Variants in ZBTB20 observed in about 807,000 individuals in gnomAD.
The protein encoded by ZBTB20 is zinc finger and BTB domain-containing protein 20.
A neutral mutation model predicts 56.9 loss-of-function variants in ZBTB20; 9 were observed. The observed-to-expected ratio is 0.16, with a 90% confidence interval of 0.10 to 0.28. ZBTB20 has a LOEUF of 0.28. ZBTB20 is among the 10% of genes least tolerant of loss of function. The pLI, the probability that ZBTB20 is intolerant of heterozygous loss-of-function variation, is 1.00. For synonymous variants in ZBTB20, 417 were observed against 420.7 expected, an observed-to-expected ratio of 0.99 and a Z score of 0.11; for missense variants, 655 against 1,003.0, an observed-to-expected ratio of 0.65 and a Z score of 4.69.
chr3:115,002,779 C>T (rs1560481176), intron 2 of ZBTB20, among the ~76,000 whole-genome samples: 1 of 151,610 alleles, frequency 6.6e-6, no homozygotes, highest in Non-Finnish European at 1.5e-5. Flanking sequence ...AAAAATTAAA[C>T]ATACACTTAC....
chr3:114,479,548 A>T (rs905260762), intron 7 of ZBTB20, among the ~76,000 whole-genome samples: 1 of 152,248 alleles, frequency 6.6e-6, no homozygotes, highest in Non-Finnish European at 1.5e-5. Context: ...ATGATTGAAC[A>T]AGCTGTATTT....
chr3:115,107,186 G>A (rs564961426), intron 1 of ZBTB20, among the ~76,000 whole-genome samples: 1 of 152,272 alleles, frequency 6.6e-6, no homozygotes, highest in South Asian at 2.1e-4. Context: ...CAGCACTTTG[G>A]GAGGCCAAGG....
chr3:115,095,891 C>T (rs1168015417), intron 1 of ZBTB20, among the ~76,000 whole-genome samples: 1 of 152,122 alleles, frequency 6.6e-6, no homozygotes, highest in Non-Finnish European at 1.5e-5. Flanking sequence ...TAAAATTGAT[C>T]TTGCTAGTTT....
intron 6 of ZBTB20, among the ~76,000 whole-genome samples, chr3:114,583,717 G>C (rs1297033781): frequency 6.6e-6 from 1 of 152,190 alleles, no homozygotes; most frequent in Non-Finnish European, 1.5e-5. Flanking sequence ...AGAAAGAAAT[G>C]TCTTCAAACT....
rs185557146 is a variant in ZBTB20, at chr3:114,494,238, C to T, written c.-255+6114G>A. Among the ~76,000 whole-genome samples, 134 of 152,180 alleles carry T rather than the reference C, an allele frequency of 8.8e-4. 1 individual carries two copies. The highest frequency in any genetic ancestry group is 3.0e-3 in the African/African-American group (126 of 41,506). ...TTTTTTTTCCTAACTAGGCTTTTGTCCATTATCTTCATTTCTTGCCTGTTC... is the reference window on the plus strand; with the variant it reads ...TTTTTTTTCCTAACTAGGCTTTTGTTCATTATCTTCATTTCTTGCCTGTTC... On this transcript the variant is annotated intron_variant, in intron 7 of 11. Transcript: ENST00000675478.
chr3:114,807,609 T>A (rs556000577), intron 4 of ZBTB20, among the ~76,000 whole-genome samples: 76 of 152,158 alleles, frequency 5.0e-4, no homozygotes, highest in Admixed American at 8.5e-4. Context: ...CGGTCAGGTT[T>A]TCATCATTAC....
At chr3:114,848,494 A>G (rs979116492) in intron 4 of ZBTB20, among the ~76,000 whole-genome samples, 1 of 152,166 alleles carries the variant, frequency 6.6e-6, no homozygotes. Flanking sequence ...GGAAATTCTT[A>G]CAATAGCTCT....
chr3:114,688,958 A>G lies in ZBTB20; in HGVS notation c.-295+4570T>C, dbSNP rs145041255. ...TGTCCCATGGACCAATCCACATAAG[A>G]TAAGACCATCTACAGAGCATATTCT... On this transcript the variant is annotated intron_variant, in intron 6 of 11. Transcript: ENST00000675478. Among the ~76,000 whole-genome samples the G allele has an allele frequency of 7.0e-4, 106 of 152,296 alleles. 1 individual carries two copies. The highest frequency in any genetic ancestry group is 1.2e-3 in the Admixed American group (19 of 15,292).
chr3:114,959,200 A>T (rs2077355517), intron 3 of ZBTB20, among the ~76,000 whole-genome samples: 1 of 152,166 alleles, frequency 6.6e-6, no homozygotes, highest in South Asian at 2.1e-4. Flanking sequence ...AGAATACCAC[A>T]CAGGTTGTAT....
chr3:115,097,150 T>C (rs769179053), intron 1 of ZBTB20, among the ~76,000 whole-genome samples: 1 of 152,170 alleles, frequency 6.6e-6, no homozygotes, highest in African/African-American at 2.4e-5. Context: ...ATTTGAATTA[T>C]ATGGTCTGGC....
rs2089965326 is a variant in ZBTB20 at position 114,429,548 on chromosome 3, T to C, written c.-254-40443A>G. Among the ~76,000 whole-genome samples the C allele has an allele frequency of 2.0e-5, 3 of 152,278 alleles. No individual in the cohort carries two copies. In the South Asian group the frequency reaches 6.2e-4, roughly 32 times the overall value. ...TGCTGCTCTCCTTCTGCCCAGTCTC[T>C]GAGAGGGTATTGAGGTTGAGGATGG... On this transcript the variant is annotated intron_variant, in intron 7 of 11. Transcript: ENST00000675478.
chr3:114,894,511 G>A (rs1303813987), intron 4 of ZBTB20, among the ~76,000 whole-genome samples: 1 of 152,128 alleles, frequency 6.6e-6, no homozygotes, highest in African/African-American at 2.4e-5. Context: ...TTCCAAATGT[G>A]ATCTTACTTG....
chr3:114,568,420 C>A (rs891958980), intron 6 of ZBTB20, among the ~76,000 whole-genome samples: 1 of 152,170 alleles, frequency 6.6e-6, no homozygotes, highest in Non-Finnish European at 1.5e-5. Context: ...TAAAAACTAT[C>A]GCATAGCATT....
chr3:114,948,734 T>TA lies in ZBTB20; in HGVS notation c.-456+25631dup, dbSNP rs1263334074. Among the ~76,000 whole-genome samples, 71 of 146,008 alleles carry TA rather than the reference T, an allele frequency of 4.9e-4. 11 individuals are homozygous for TA. The highest frequency in any genetic ancestry group is 1.8e-3 in the African/African-American group (64 of 35,822). On this transcript the variant is annotated intron_variant, in intron 3 of 11. Coordinates refer to ENST00000675478, the MANE Select transcript of ZBTB20 (RefSeq NM_001348800.3). The stretch of plus-strand genomic sequence containing the variant: ...AAAATGATACCAATTACAAGAGCAT[T>TA]AAAAAATCTAATTGTAGAAATGAAT...
chr3:114,724,763 T>C (rs1364357352), intron 5 of ZBTB20, among the ~76,000 whole-genome samples: 1 of 152,250 alleles, frequency 6.6e-6, no homozygotes, highest in Admixed American at 6.5e-5. Flanking sequence ...ACTGAGACTC[T>C]ATGCTTAACA....
chr3:114,997,757 C>G (rs151225931), intron 2 of ZBTB20, among the ~76,000 whole-genome samples: 1 of 151,594 alleles, frequency 6.6e-6, no homozygotes, highest in African/African-American at 2.4e-5. Context: ...TTTCTTTTTA[C>G]AAAACTTCAT....
At chr3:115,000,096 A>G (rs1315286427) in intron 2 of ZBTB20, among the ~76,000 whole-genome samples, 2 of 151,608 alleles carry the variant, frequency 1.3e-5, no homozygotes, top group Non-Finnish European at 3.0e-5. Flanking sequence ...TATTTACCAT[A>G]TGAGATCCAT....
chr3:114,853,960 T>C (rs1421335664), intron 4 of ZBTB20, among the ~76,000 whole-genome samples: 1 of 152,228 alleles, frequency 6.6e-6, no homozygotes, highest in Non-Finnish European at 1.5e-5. Flanking sequence ...GTTACCTGTT[T>C]AAGCAGTTTT....
chr3:114,750,652 G>C (rs988233881), intron 5 of ZBTB20, among the ~76,000 whole-genome samples: 12 of 152,130 alleles, frequency 7.9e-5, no homozygotes, highest in Admixed American at 7.9e-4. Flanking sequence ...CAATTCATTT[G>C]TGTTTCACGT....
Sources: allele counts gnomAD v4.1 joint callset (sites outside exome capture counted in the v4.1 genomes callset), GRCh38; gene constraint gnomAD v4.1.1; transcripts MANE v1.5; gene names NCBI Gene and HGNC (gene_info 2026-07-23, HGNC 2026-07-21).